The following ANKRD28 variants were observed in gnomAD, a reference collection of about 807,000 sequenced individuals.
ANKRD28 encodes the protein serine/threonine-protein phosphatase 6 regulatory ankyrin repeat subunit A.
A neutral mutation model predicts 126.5 loss-of-function variants in ANKRD28; 44 were observed. That is an observed-to-expected ratio of 0.35 (90% CI 0.27 to 0.45). The LOEUF is 0.45. Among genes scored for constraint, ANKRD28 ranks in the 20% least tolerant of loss-of-function variants. The pLI is 1.00. For missense variants in ANKRD28, 1,110 were observed against 1,316.6 expected, an observed-to-expected ratio of 0.84 and a Z score of 2.43; for synonymous variants, 442 against 468.5, an observed-to-expected ratio of 0.94 and a Z score of 0.73.
chr3:15,795,253 T>C lies in ANKRD28; in HGVS notation c.171A>G (p.Leu57=). 6.2e-7 allele frequency: 1 copy of C among 1,612,638 alleles called. No homozygotes were observed. Among genetic ancestry groups the C allele is most frequent in the African/African-American group, 1.3e-5 (1 of 75,014 alleles). The change falls in exon 2 of 28, where the codon CTA becomes CTG. Residue 57 remains leucine (L), a synonymous_variant. Coordinates refer to ENST00000683139, the MANE Select transcript of ANKRD28 (RefSeq NM_001349278.2). ...FNGDPDEVRA[L]IFKKEDVNFQ... is the part of the protein sequence containing the mutation. ...AGTTAACATCTTCTTTCTTAAATAT[T>C]AGTGCTCGAACTTCATCAGGATCTC... is the stretch of plus-strand genomic sequence containing the variant.
intron 1 of ANKRD28, among the ~76,000 whole-genome samples, chr3:15,856,036 T>C (rs13325873): frequency 1.3e-5 from 2 of 152,168 alleles, no homozygotes; most frequent in African/African-American, 2.4e-5. Flanking sequence ...TGTTTTTTCA[T>C]ACTGATCTAA....
chr3:15,804,392 C>G (rs1037607161), intron 1 of ANKRD28, among the ~76,000 whole-genome samples: 1 of 145,532 alleles, frequency 6.9e-6, no homozygotes, highest in Non-Finnish European at 1.5e-5. Flanking sequence ...TAATAAAACT[C>G]TCCATAAACC....
chr3:15,789,437 T>A lies in ANKRD28; in HGVS notation c.201+5786A>T, dbSNP rs570874004. Among the ~76,000 whole-genome samples the A allele has an allele frequency of 9.8e-3, 1,448 of 148,272 alleles. 8 individuals carry two copies. Among genetic ancestry groups the A allele is most frequent in the African/African-American group, 0.021 (833 of 40,416 alleles). ...TCGAAGAGAGGTTTTCTCCTTTTTT[T>A]AAAAAAAAAAGAAAAGAAAAGAAAA... On this transcript the variant is annotated intron_variant, in intron 2 of 27. Coordinates refer to ENST00000683139, the MANE Select transcript of ANKRD28 (RefSeq NM_001349278.2).
At chr3:15,858,298 A>G (rs1434945574) in intron 1 of ANKRD28, among the ~76,000 whole-genome samples, 1 of 152,244 alleles carries the variant, frequency 6.6e-6, no homozygotes, top group African/African-American at 2.4e-5. Flanking sequence ...AAGTATCATG[A>G]CCTGATGTTA....
chr3:15,776,939 G>A (rs896637958), intron 2 of ANKRD28, among the ~76,000 whole-genome samples: 11 of 152,224 alleles, frequency 7.2e-5, no homozygotes, highest in African/African-American at 2.4e-4. Context: ...GCTTTTGTTG[G>A]TTTAGGAAGT....
At chr3:15,694,878 A>T (rs2455814) in intron 16 of ANKRD28, 65 bp from the exon 17 acceptor site, 1,425,883 of 1,430,282 alleles carry the variant, frequency 1, 710,756 homozygotes, top group South Asian at 1. Flanking sequence ...TCTCCCACCC[A>T]CCCAGTTCAA....
chr3:15,829,009 T>C (rs1337242692), intron 1 of ANKRD28, among the ~76,000 whole-genome samples: 1 of 152,186 alleles, frequency 6.6e-6, no homozygotes, highest in African/African-American at 2.4e-5. Context: ...CAAACTTAGA[T>C]ATCTGCAGGA....
chr3:15,850,263 A>AGAGAGAGAGAAAGAG (rs1282754856), intron 1 of ANKRD28, among the ~76,000 whole-genome samples: 1 of 139,718 alleles, frequency 7.2e-6, no homozygotes, highest in South Asian at 2.4e-4. Context: ...AGAGAGAGAG[A>AGAGAGAGAGAAAGAG]AAGTTGAAAT....
chr3:15,697,020 A>G (rs941853628), intron 14 of ANKRD28, among the ~76,000 whole-genome samples: 4 of 152,234 alleles, frequency 2.6e-5, no homozygotes, highest in Non-Finnish European at 5.9e-5. Flanking sequence ...CGCAATTGCA[A>G]AAATATGAAA....
chr3:15,814,353 T>C lies in ANKRD28; in HGVS notation c.28-19047A>G, dbSNP rs73817126. The C allele has an allele frequency of 4.7e-3, 5,255 of 1,120,466 alleles. 187 individuals are homozygous for C. In the African/African-American group the frequency reaches 0.075, roughly 16 times the overall value. The allele number at this position is 1,120,466 out of a possible 1,614,324, so 69.4% of individuals were successfully genotyped here. The stretch of plus-strand genomic sequence containing the variant: ...ATCAAAAGAAAGAATACGCTGATCC[T>C]AGAAATTAAGGGCTATGTTATTTAT... On this transcript the variant is annotated intron_variant, in intron 1 of 27. Transcript: ENST00000399451. This position sits in a 1 kb window ranked among gnomAD's most constrained non-coding sequence, Gnocchi z 4.7.
chr3:15,749,100 T>A (rs2057691210), intron 4 of ANKRD28, among the ~76,000 whole-genome samples: 1 of 38,456 alleles, frequency 2.6e-5, no homozygotes, highest in Non-Finnish European at 6.9e-5. Flanking sequence ...ATTATGTTTT[T>A]GTTTTTTTTT....
chr3:15,857,766 T>C (rs898118996), intron 1 of ANKRD28, among the ~76,000 whole-genome samples: 2 of 152,254 alleles, frequency 1.3e-5, no homozygotes, highest in Non-Finnish European at 2.9e-5. Context: ...GAATCAAATA[T>C]GAGTCTCTCC....
At chr3:15,684,978 G>T in intron 21 of ANKRD28, 1 of 479,934 alleles carries the variant, frequency 2.1e-6, no homozygotes, top group East Asian at 3.8e-5. Flanking sequence ...GAAAAGAAAA[G>T]AAAAGAAAAA....
At chr3:15,705,054 C>T (rs1393414909) in intron 14 of ANKRD28, among the ~76,000 whole-genome samples, 2 of 152,118 alleles carry the variant, frequency 1.3e-5, no homozygotes, top group African/African-American at 4.8e-5. Context: ...CAAATGGGTA[C>T]AGTATGGAAA....
At chr3:15,727,471 G>A (rs1323635119) in intron 6 of ANKRD28, among the ~76,000 whole-genome samples, 1 of 147,854 alleles carries the variant, frequency 6.8e-6, no homozygotes, top group East Asian at 2.1e-4. Flanking sequence ...GGAGGCTGAG[G>A]CAGGAGAATC....
At chr3:15,778,054 C>G (rs768431046) in intron 2 of ANKRD28, among the ~76,000 whole-genome samples, 2 of 152,146 alleles carry the variant, frequency 1.3e-5, no homozygotes, top group African/African-American at 4.8e-5. Flanking sequence ...AAATGCGTAT[C>G]ATACATAAGT....
At chr3:15,842,711 C>G (rs2061449227) in intron 1 of ANKRD28, among the ~76,000 whole-genome samples, 1 of 152,086 alleles carries the variant, frequency 6.6e-6, no homozygotes, top group Admixed American at 6.5e-5. Flanking sequence ...ATATATACAC[C>G]TACTGTGTAC....
rs2058943689 is a variant in ANKRD28, at chr3:15,770,430, T to TA, written c.202-4119dup. On this transcript the variant is annotated intron_variant, in intron 2 of 27. Transcript: ENST00000683139. The stretch of plus-strand genomic sequence containing the variant: ...TATATATACATATATATATATATAT[T>TA]AGATAGCATTACTGGGTACAGAAAT... Among the ~76,000 whole-genome samples the TA allele has an allele frequency of 4.8e-5, 7 of 146,798 alleles. No homozygotes were observed. In the South Asian group the frequency reaches 1.3e-3, roughly 28 times the overall value.
chr3:15,749,050 T>C (rs2057674001), intron 4 of ANKRD28, among the ~76,000 whole-genome samples: 1 of 151,806 alleles, frequency 6.6e-6, no homozygotes, highest in Non-Finnish European at 1.5e-5. Context: ...TGTGACTGTT[T>C]TTACCTATTT....
Sources: gnomAD v4.1 joint callset for allele counts (sites outside exome capture counted in the v4.1 genomes callset) on GRCh38, gnomAD v4.1.1 for gene constraint, Gnocchi (gnomAD v3.1) non-coding constraint, MANE v1.5 for transcripts, NCBI Gene and HGNC (gene_info 2026-07-23, HGNC 2026-07-21) for gene names.